Variants in ENTREP2 observed in about 807,000 individuals in gnomAD.
The protein encoded by ENTREP2 is endosomal transmembrane epsin interactor 2.
chr15:29,159,046 G>A, the ENTREP2 span, among the ~76,000 whole-genome samples: 6 of 152,198 alleles, frequency 3.9e-5, no homozygotes, highest in Non-Finnish European at 5.9e-5. Flanking sequence ...TGAGCGGGTC[G>A]TGGTAGTGTA....
the ENTREP2 span, chr15:29,196,588 C>T: frequency 6.5e-7 from 1 of 1,538,476 alleles, no homozygotes; most frequent in Non-Finnish European, 8.8e-7. Context: ...CACAGACAGA[C>T]CTCACCGTTA....
the ENTREP2 span, among the ~76,000 whole-genome samples, chr15:29,490,290 T>G: frequency 1.3e-5 from 2 of 151,712 alleles, no homozygotes; most frequent in Admixed American, 1.3e-4. Flanking sequence ...GCTGCAGAAC[T>G]TCGCTGTGAG....
the ENTREP2 span, among the ~76,000 whole-genome samples, chr15:29,595,124 C>T: frequency 7.1e-6 from 1 of 141,330 alleles, no homozygotes; most frequent in Admixed American, 7.2e-5. Context: ...TGTGATGGCA[C>T]ACACCTGTAA....
At chr15:29,643,335 T>C in the ENTREP2 span, among the ~76,000 whole-genome samples, 1 of 152,090 alleles carries the variant, frequency 6.6e-6, no homozygotes, top group East Asian at 1.9e-4. Context: ...TAGATAGACA[T>C]TTCTCCCACT....
chr15:29,455,129 C>T, the ENTREP2 span, among the ~76,000 whole-genome samples: 1 of 152,192 alleles, frequency 6.6e-6, no homozygotes, highest in African/African-American at 2.4e-5. Flanking sequence ...CTGCTGTCTC[C>T]ATGTGAAGAA....
chr15:29,395,825 C>T, the ENTREP2 span, among the ~76,000 whole-genome samples: 29 of 152,116 alleles, frequency 1.9e-4, no homozygotes, highest in South Asian at 3.5e-3. Context: ...TGAGCCACCA[C>T]GCCAGCCATT....
At chr15:29,419,157 A>AACTC in the ENTREP2 span, among the ~76,000 whole-genome samples, 2 of 152,236 alleles carry the variant, frequency 1.3e-5, no homozygotes, top group African/African-American at 4.8e-5. Flanking sequence ...GAAGGTGATG[A>AACTC]ACACCAGATA....
chr15:29,547,209 C>A, the ENTREP2 span, among the ~76,000 whole-genome samples: 1 of 151,514 alleles, frequency 6.6e-6, no homozygotes, highest in African/African-American at 2.4e-5. Flanking sequence ...CCTCAGCCTC[C>A]CAAGTAGCTG....
the ENTREP2 span, among the ~76,000 whole-genome samples, chr15:29,127,463 C>T: frequency 6.6e-6 from 1 of 152,176 alleles, no homozygotes; most frequent in Non-Finnish European, 1.5e-5. Context: ...CCATGGGCAA[C>T]AGGCTTTTCA....
At chr15:29,194,672 A>C in the ENTREP2 span, among the ~76,000 whole-genome samples, 21 of 152,178 alleles carry the variant, frequency 1.4e-4, no homozygotes, top group African/African-American at 5.1e-4. Flanking sequence ...GTGAGACTGC[A>C]AGGTCACCAG....
chr15:29,464,506 C>T, the ENTREP2 span, among the ~76,000 whole-genome samples: 1 of 152,174 alleles, frequency 6.6e-6, no homozygotes, highest in Non-Finnish European at 1.5e-5. Context: ...AGCCTGATGT[C>T]AATCACAGGC....
chr15:29,222,632 C>T, the ENTREP2 span, among the ~76,000 whole-genome samples: 1 of 152,076 alleles, frequency 6.6e-6, no homozygotes, highest in East Asian at 1.9e-4. Flanking sequence ...TTTGCATCTC[C>T]CGTCACTCAT....
the ENTREP2 span, among the ~76,000 whole-genome samples, chr15:29,369,047 C>T: frequency 6.6e-6 from 1 of 151,948 alleles, no homozygotes; most frequent in African/African-American, 2.4e-5. Context: ...GCAGAATAAA[C>T]AATGAAGAAA....
the ENTREP2 span, among the ~76,000 whole-genome samples, chr15:29,582,027 T>A: frequency 6.6e-6 from 1 of 151,616 alleles, no homozygotes; most frequent in African/African-American, 2.4e-5. Flanking sequence ...CTGCAACCTC[T>A]GCCTCCCAGG....
At chr15:29,453,923 C>G in the ENTREP2 span, among the ~76,000 whole-genome samples, 4 of 152,218 alleles carry the variant, frequency 2.6e-5, no homozygotes, top group Admixed American at 2.0e-4. Flanking sequence ...CAATTTTCAA[C>G]TATGATAAGT....
chr15:29,593,363 G>A, the ENTREP2 span, among the ~76,000 whole-genome samples: 1 of 152,060 alleles, frequency 6.6e-6, no homozygotes, highest in South Asian at 2.1e-4. Flanking sequence ...ATTCCTGATA[G>A]CTTCTCCACT....
the ENTREP2 span, among the ~76,000 whole-genome samples, chr15:29,309,062 T>C: frequency 6.6e-6 from 1 of 152,186 alleles, no homozygotes; most frequent in African/African-American, 2.4e-5. Flanking sequence ...CTGAGTCACA[T>C]AAAACATATA....
the ENTREP2 span, among the ~76,000 whole-genome samples, chr15:29,185,079 C>T: frequency 2.8e-5 from 3 of 108,074 alleles, no homozygotes; most frequent in African/African-American, 1.0e-4. Flanking sequence ...GACTCTGTCT[C>T]AAAAAAAAAA....
At chr15:29,342,843 G>A in the ENTREP2 span, among the ~76,000 whole-genome samples, 1 of 152,120 alleles carries the variant, frequency 6.6e-6, no homozygotes, top group Admixed American at 6.5e-5. Context: ...CTAGAATGCA[G>A]GAACTATTCA....
Sources: gnomAD v4.1 joint callset for allele counts (sites outside exome capture counted in the v4.1 genomes callset) on GRCh38, gnomAD v4.1.1 for gene constraint, MANE v1.5 for transcripts, NCBI Gene and HGNC (gene_info 2026-07-23, HGNC 2026-07-21) for gene names.